Variants in USP24 observed in about 807,000 individuals in gnomAD.
The protein encoded by USP24 is ubiquitin carboxyl-terminal hydrolase 24.
In USP24, 97 loss-of-function variants were observed where a neutral mutation model predicts 361.6. The observed-to-expected ratio is 0.27, with a 90% CI of 0.23 to 0.32. USP24 has a LOEUF of 0.32. Among genes scored for constraint, USP24 ranks in the 10% least tolerant of loss-of-function variants. USP24 has a pLI of 1.00. For missense variants in USP24, 2,353 were observed against 3,165.6 expected, an observed-to-expected ratio of 0.74 and a Z score of 6.16; for synonymous variants, 1,098 against 1,124.6, an observed-to-expected ratio of 0.98 and a Z score of 0.47.
At chr1:55,132,461 A>T in intron 31 of USP24, 84 bp downstream of exon 31, 1 of 1,432,378 alleles carries the variant, frequency 7.0e-7, no homozygotes, top group Non-Finnish European at 9.4e-7. Context: ...AAACCTATTT[A>T]CTTATTTCTG....
chr1:55,129,464 T>A lies in USP24; in HGVS notation c.3635+13A>T, dbSNP rs370621682. Reference sequence around the variant, plus strand: ...TTTCGGCAACTCATGTAACATTACATTGAAACTCTAACCTCAAACCGCCAG... The same window carrying A: ...TTTCGGCAACTCATGTAACATTACAATGAAACTCTAACCTCAAACCGCCAG... On this transcript the variant is annotated intron_variant, in intron 32 of 67. Transcript: ENST00000294383. 1 of 1,611,742 alleles carries A rather than the reference T, an allele frequency of 6.2e-7. No homozygotes were observed. The highest frequency in any genetic ancestry group is 8.5e-7 in the Non-Finnish European group (1 of 1,178,210).
rs184349559 is a variant in USP24, at chr1:55,167,154, G to C, written c.826-551C>G. 2.8e-3 allele frequency among the ~76,000 whole-genome samples: 426 copies of C among 152,230 alleles called. 3 individuals carry two copies. The highest frequency in any genetic ancestry group is 9.7e-3 in the African/African-American group (403 of 41,536). ...CTAGCAGGGTCAACAAAACCAAGTA[G>C]AGCATCATATACAGAAGACAATTCA... On this transcript the variant is annotated intron_variant, in intron 5 of 67. Transcript: ENST00000294383.
chr1:55,080,604 A>C (rs1219817410), intron 59 of USP24, among the ~76,000 whole-genome samples: 1 of 152,172 alleles, frequency 6.6e-6, no homozygotes, highest in Non-Finnish European at 1.5e-5. Context: ...AACACAATAA[A>C]TTTAAAGCAC....
intron 59 of USP24, among the ~76,000 whole-genome samples, chr1:55,080,920 AATT>A (rs1207300981): frequency 6.6e-6 from 1 of 151,900 alleles, no homozygotes; most frequent in African/African-American, 2.4e-5. Flanking sequence ...ATACCTGGGG[AATT>A]ATGTTTTGAG....
intron 1 of USP24, among the ~76,000 whole-genome samples, chr1:55,212,515 A>C (rs1644870638): frequency 6.6e-6 from 1 of 152,154 alleles, no homozygotes; most frequent in Non-Finnish European, 1.5e-5. Flanking sequence ...ACAGGGCCTG[A>C]CACCCTGTAG....
At chr1:55,121,892 C>CT (rs1646293661) in intron 36 of USP24, among the ~76,000 whole-genome samples, 2 of 152,130 alleles carry the variant, frequency 1.3e-5, no homozygotes, top group African/African-American at 4.8e-5. Flanking sequence ...GAAAATATCT[C>CT]TAAGTTAAAC....
intron 32 of USP24, among the ~76,000 whole-genome samples, 176 bp from the exon 33 acceptor site, chr1:55,125,934 C>G (rs989981665): frequency 6.6e-6 from 1 of 152,156 alleles, no homozygotes; most frequent in Non-Finnish European, 1.5e-5. Flanking sequence ...TATAAGCTTC[C>G]TAACTATTCT....
chr1:55,150,473 A>C (rs1210941131), intron 16 of USP24, among the ~76,000 whole-genome samples: 1 of 152,176 alleles, frequency 6.6e-6, no homozygotes, highest in Non-Finnish European at 1.5e-5. Context: ...TTCTGGCTAC[A>C]CTATAAAAGT....
chr1:55,098,384 A>C, intron 46 of USP24, 92 bp downstream of exon 46: 1 of 1,148,526 alleles, frequency 8.7e-7, no homozygotes, highest in Non-Finnish European at 1.2e-6. Flanking sequence ...GAGAGTTCTA[A>C]GTCTCTTAAC....
intron 5 of USP24, among the ~76,000 whole-genome samples, chr1:55,168,095 G>A (rs979016813): frequency 3.9e-5 from 6 of 152,134 alleles, no homozygotes; most frequent in Non-Finnish European, 8.8e-5. Flanking sequence ...AGTCAACAGA[G>A]GAAACATGGC....
chr1:55,089,931 A>G (rs1470050814), intron 54 of USP24, among the ~76,000 whole-genome samples, 191 bp from the exon 55 acceptor site: 4 of 152,176 alleles, frequency 2.6e-5, no homozygotes, highest in Non-Finnish European at 4.4e-5. Context: ...TCTGGAAGTC[A>G]GTGCTTTGCA....
At chr1:55,139,046 T>C in intron 24 of USP24, 36 bp from the exon 25 acceptor site, 1 of 1,529,158 alleles carries the variant, frequency 6.5e-7, no homozygotes, top group Non-Finnish European at 8.9e-7. Context: ...AAAATGTATT[T>C]GAAGTGTGAT....
intron 1 of USP24, among the ~76,000 whole-genome samples, chr1:55,192,232 T>C (rs898202500): frequency 1.3e-5 from 2 of 152,218 alleles, no homozygotes; most frequent in Admixed American, 6.5e-5. Context: ...GATACATTAC[T>C]GTAATTTAAG....
chr1:55,083,641 T>C lies in USP24; in HGVS notation c.6882+131A>G, dbSNP rs1645194635. On this transcript the variant is annotated intron_variant, in intron 57 of 67. Coordinates refer to ENST00000294383, the MANE Select transcript of USP24 (RefSeq NM_015306.3). ...CTCATCAGAATTCTTACAAGTAATATAATTCACAAGATTTTTAGGAAGAAA... is the reference window on the plus strand; with the variant it reads ...CTCATCAGAATTCTTACAAGTAATACAATTCACAAGATTTTTAGGAAGAAA... The C allele has an allele frequency of 3.9e-6, 3 of 760,172 alleles. No individual in the cohort carries two copies. The South Asian group carries it at 6.1e-5, about 16-fold the overall frequency. The allele number at this position is 760,172 out of a possible 1,614,324, so 47.1% of individuals were successfully genotyped here.
chr1:55,152,835 C>T (rs544362381), intron 16 of USP24, among the ~76,000 whole-genome samples: 1 of 152,186 alleles, frequency 6.6e-6, no homozygotes, highest in South Asian at 2.1e-4. Flanking sequence ...TTCTTCAATG[C>T]CCCCAACTAA....
At chr1:55,183,007 C>T (rs1465208135) in intron 1 of USP24, among the ~76,000 whole-genome samples, 1 of 152,138 alleles carries the variant, frequency 6.6e-6, no homozygotes, top group African/African-American at 2.4e-5. Flanking sequence ...GTGTGAGCCA[C>T]CGTGCCTGGC....
rs1645501901 is a variant in USP24 at position 55,096,621 on chromosome 1, C to G, written c.5938G>C (p.Gly1980Arg). 17 of 1,603,562 alleles carry G rather than the reference C, an allele frequency of 1.1e-5. No individual in the cohort carries two copies. The highest frequency in any genetic ancestry group is 1.4e-5 in the Non-Finnish European group (17 of 1,177,324). The stretch of plus-strand genomic sequence containing the variant: ...TTATACCACTTTCCTTTTCCACACC[C>G]TCTAGAACCCAGAGATCAGACAAAC... ...HYYSFIKDRR[G>R]CGKGKWYKFN... Residue 1980 changes from glycine (G) to arginine (R), a missense_variant and splice_region_variant, in exon 50 of 68, where the codon GGG becomes CGG. Gly to Arg is a moderately radical substitution (Grantham distance 125). This residue lies in a region of USP24 where 598 missense variants were observed against 761.9 expected (regional missense o/e 0.78). Transcript: ENST00000294383.
chr1:55,094,795 T>A (rs1645459331), intron 51 of USP24, among the ~76,000 whole-genome samples: 1 of 151,440 alleles, frequency 6.6e-6, no homozygotes. Flanking sequence ...GCCCAGGAGT[T>A]CCAGACCAGC....
intron 30 of USP24, among the ~76,000 whole-genome samples, chr1:55,133,454 CA>C (rs1343675981): frequency 2.6e-5 from 4 of 152,102 alleles, no homozygotes; most frequent in Non-Finnish European, 5.9e-5. Flanking sequence ...TGATCTGGGA[CA>C]AGTAACTTCA....
Sources: gnomAD v4.1 joint callset for allele counts (sites outside exome capture counted in the v4.1 genomes callset) on GRCh38, gnomAD v4.1.1 for gene constraint, gnomAD v4.1.1 regional missense constraint, MANE v1.5 for transcripts, NCBI Gene and HGNC (gene_info 2026-07-23, HGNC 2026-07-21) for gene names.